Variants in LRRC3 observed in about 807,000 individuals in gnomAD.
LRRC3 encodes the protein leucine rich repeat containing 3, also known as leucine-rich repeat-containing protein 3.
For synonymous variants in LRRC3, 172 were observed against 164.1 expected (o/e 1.05, Z -0.37); for missense variants, 351 against 361.6 (o/e 0.97, Z 0.24).
Position 44,457,239 on chromosome 21 carries a change from C to T in LRRC3, c.595C>T (p.Pro199Ser). The T allele has an allele frequency of 1.2e-6, 2 of 1,613,958 alleles. No homozygotes were observed. Among genetic ancestry groups the T allele is most frequent in the Non-Finnish European group, 1.7e-6 (2 of 1,180,018 alleles). ...LDAGASLCSVPHRTTDVAMLV... is the reference protein window; with the variant it reads ...LDAGASLCSVSHRTTDVAMLV... ...TGCGGGTGCCAGCCTCTGCAGCGTCCCCCACAGGACCACAGACGTGGCCAT... is the reference window on the plus strand; with the variant it reads ...TGCGGGTGCCAGCCTCTGCAGCGTCTCCCACAGGACCACAGACGTGGCCAT... Residue 199 changes from proline (P) to serine (S), a missense_variant, in exon 2 of 2, where the codon CCC becomes TCC. Transcript: ENST00000291592.
chr21:44,456,262 A>C (rs898171209), intron 1 of LRRC3, among the ~76,000 whole-genome samples: 1 of 152,144 alleles, frequency 6.6e-6, no homozygotes, highest in African/African-American at 2.4e-5. Context: ...GGCCATGCGG[A>C]GCCCCCTGGC....
At chr21:44,456,392 C>T in intron 1 of LRRC3, 106 bp from the exon 2 acceptor site, 1 of 541,030 alleles carries the variant, frequency 1.8e-6, no homozygotes, top group Non-Finnish European at 3.3e-6. Context: ...CTTCAGTGGG[C>T]CCTCAACACC....
intron 1 of LRRC3, among the ~76,000 whole-genome samples, chr21:44,456,129 TCCTGG>T (rs1199558129): frequency 6.6e-6 from 1 of 152,024 alleles, no homozygotes; most frequent in Admixed American, 6.5e-5. Context: ...GTCACCGTCC[TCCTGG>T]CGTCCACCCT....
rs146215547 is a variant in LRRC3, at chr21:44,459,319, C to T, written c.*1901C>T. The T allele has an allele frequency of 6.6e-6, 1 of 152,456 alleles. No individual in the cohort carries two copies. Among genetic ancestry groups the T allele is most frequent in the African/African-American group, 2.4e-5 (1 of 41,580 alleles). 9.4% of individuals were successfully genotyped at this position (152,456 alleles called of 1,614,324 possible). On this transcript the variant is annotated 3_prime_UTR_variant, in exon 2 of 2. Coordinates refer to ENST00000291592, the MANE Select transcript of LRRC3 (RefSeq NM_030891.6). ...AAGTGGGCGCTGACACAGCAGAGTG[C>T]CCTGGGCCCGTGGGGATTTCCTTCC...
Sources: allele counts gnomAD v4.1 joint callset (sites outside exome capture counted in the v4.1 genomes callset), GRCh38; gene constraint gnomAD v4.1.1; transcripts MANE v1.5; gene names NCBI Gene and HGNC (gene_info 2026-07-23, HGNC 2026-07-21).